The following ARMH3 variants were observed in gnomAD, a reference collection of about 807,000 sequenced individuals.
ARMH3 encodes the protein armadillo-like helical domain-containing protein 3.
Under a neutral mutation model 99.1 loss-of-function variants are expected in ARMH3, and 60 were observed. That is an observed-to-expected ratio of 0.61 (90% CI 0.49 to 0.75). ARMH3 has a LOEUF of 0.75. ARMH3 is among the 30% of genes least tolerant of loss of function. ARMH3 has a pLI of 0.00. For missense variants in ARMH3, 679 were observed against 843.1 expected (o/e 0.81, Z 2.41); for synonymous variants, 285 against 292.8 (o/e 0.97, Z 0.27).
At chr10:102,048,124 G>T (rs2067602926) in intron 1 of ARMH3, among the ~76,000 whole-genome samples, 1 of 152,224 alleles carries the variant, frequency 6.6e-6, no homozygotes, top group South Asian at 2.1e-4. Flanking sequence ...TATCTAGACA[G>T]ATGATACTGA....
chr10:101,933,536 T>C (rs1408208682), intron 23 of ARMH3, among the ~76,000 whole-genome samples: 1 of 152,242 alleles, frequency 6.6e-6, no homozygotes, highest in East Asian at 1.9e-4. Flanking sequence ...TTTTTAATTC[T>C]AGCTGTAGTC....
intron 24 of ARMH3, among the ~76,000 whole-genome samples, chr10:101,884,541 T>C (rs1458165041): frequency 6.6e-6 from 1 of 152,178 alleles, no homozygotes; most frequent in East Asian, 1.9e-4. Context: ...TTGTATCTTC[T>C]CCGTAATCTT....
intron 1 of ARMH3, among the ~76,000 whole-genome samples, chr10:102,041,453 G>A (rs886619188): frequency 6.6e-6 from 1 of 152,064 alleles, no homozygotes; most frequent in Non-Finnish European, 1.5e-5. Flanking sequence ...ATTTTGATCA[G>A]TGACTTTTGG....
chr10:101,905,344 G>A lies in ARMH3; in HGVS notation c.1782-15854C>T, dbSNP rs535204216. On this transcript the variant is annotated intron_variant, in intron 23 of 25. Coordinates refer to ENST00000370033, the MANE Select transcript of ARMH3 (RefSeq NM_024541.3). ...TGGATTGTGCTGGGGCAGGAATTAC[G>A]GAAGTAAAAAAGTCATGGTCTCTGT... 1.4e-4 allele frequency among the ~76,000 whole-genome samples: 21 copies of A among 152,296 alleles called. No individual in the cohort carries two copies. In the South Asian group the frequency reaches 2.3e-3, roughly 17 times the overall value.
intron 20 of ARMH3, among the ~76,000 whole-genome samples, chr10:101,964,374 C>T (rs1728375838): frequency 6.6e-6 from 1 of 152,128 alleles, no homozygotes; most frequent in South Asian, 2.1e-4. Context: ...TAATTAAACG[C>T]ACACAATCTC....
intron 5 of ARMH3, 148 bp from the exon 6 acceptor site, chr10:102,025,396 T>G (rs1564860752): frequency 3.4e-6 from 2 of 591,776 alleles, no homozygotes; most frequent in Non-Finnish European, 5.7e-6. Flanking sequence ...CAAGATTAAA[T>G]AAAGAAAAGG....
At position 101,903,759 on chromosome 10, in the gene ARMH3, T is replaced by C. The variant is rs546761697; in HGVS notation, c.1782-14269A>G. 3.0e-4 allele frequency among the ~76,000 whole-genome samples: 46 copies of C among 152,338 alleles called. 2 individuals carry two copies. In the South Asian group the frequency reaches 9.3e-3, roughly 31 times the overall value. ...CTAAAGATAAAAGTTATAGCTTCCTTTCCCAGTGTCTCATTTTAAATATTT... is the reference window on the plus strand; with the variant it reads ...CTAAAGATAAAAGTTATAGCTTCCTCTCCCAGTGTCTCATTTTAAATATTT... On this transcript the variant is annotated intron_variant, in intron 23 of 25. Coordinates refer to ENST00000370033, the MANE Select transcript of ARMH3 (RefSeq NM_024541.3).
At chr10:101,987,020 G>A (rs959995323) in intron 19 of ARMH3, among the ~76,000 whole-genome samples, 1 of 152,190 alleles carries the variant, frequency 6.6e-6, no homozygotes, top group Non-Finnish European at 1.5e-5. Flanking sequence ...GGCGAGGAGG[G>A]AGTTAGAACA....
At chr10:101,990,453 G>T in intron 19 of ARMH3, 98 bp downstream of exon 19, 1 of 918,778 alleles carries the variant, frequency 1.1e-6, no homozygotes, top group Non-Finnish European at 1.7e-6. Context: ...TTACAGGCGT[G>T]AGCCATGGCG....
At chr10:101,933,310 G>A (rs1394340698) in intron 23 of ARMH3, among the ~76,000 whole-genome samples, 2 of 152,140 alleles carry the variant, frequency 1.3e-5, no homozygotes, top group African/African-American at 2.4e-5. Context: ...TTAGGAGGGG[G>A]TTTAGATGCT....
chr10:101,922,294 G>A (rs1199086005), intron 23 of ARMH3, among the ~76,000 whole-genome samples: 2 of 152,186 alleles, frequency 1.3e-5, no homozygotes, highest in African/African-American at 2.4e-5. Context: ...CCAGGCTGGA[G>A]TGCAGTGGCA....
intron 23 of ARMH3, among the ~76,000 whole-genome samples, chr10:101,931,641 G>A (rs2135671146): frequency 6.6e-6 from 1 of 151,858 alleles, no homozygotes; most frequent in South Asian, 2.1e-4. Context: ...AAGGAAGCTG[G>A]GTGTAGTGGT....
chr10:101,872,615 T>C (rs546804598), intron 24 of ARMH3, among the ~76,000 whole-genome samples: 23 of 152,140 alleles, frequency 1.5e-4, no homozygotes, highest in Non-Finnish European at 3.4e-4. Flanking sequence ...GGAGAATCAC[T>C]TGAACTTGCT....
chr10:102,001,021 T>C (rs1018817002), intron 15 of ARMH3, among the ~76,000 whole-genome samples: 8 of 152,090 alleles, frequency 5.3e-5, no homozygotes, highest in African/African-American at 1.9e-4. Context: ...TTCACCATGT[T>C]GGCCAGGCTG....
chr10:101,966,240 G>A (rs1284329128), intron 20 of ARMH3, among the ~76,000 whole-genome samples: 3 of 149,020 alleles, frequency 2.0e-5, no homozygotes, highest in Admixed American at 6.7e-5. Flanking sequence ...TGAGTAGCTG[G>A]GATTACAGGC....
intron 2 of ARMH3, among the ~76,000 whole-genome samples, chr10:102,039,200 A>AGT (rs2067350572): frequency 1.3e-5 from 2 of 151,622 alleles, no homozygotes; most frequent in Admixed American, 1.3e-4. Flanking sequence ...GCTGGAGTGT[A>AGT]GTGGCACAAT....
At chr10:101,861,719 G>T (rs1294150211) in intron 24 of ARMH3, among the ~76,000 whole-genome samples, 2 of 111,186 alleles carry the variant, frequency 1.8e-5, no homozygotes, top group Non-Finnish European at 3.5e-5. Context: ...AACAGAGCGA[G>T]ACTCCGTCTC....
chr10:101,898,675 T>TACGCGCAC (rs1191708577), intron 23 of ARMH3, among the ~76,000 whole-genome samples: 2 of 152,240 alleles, frequency 1.3e-5, no homozygotes, highest in Non-Finnish European at 2.9e-5. Context: ...TTATACTCAA[T>TACGCGCAC]ACGCGCACAC....
intron 24 of ARMH3, among the ~76,000 whole-genome samples, chr10:101,883,495 C>G (rs1370727454): frequency 1.3e-5 from 2 of 152,026 alleles, no homozygotes; most frequent in African/African-American, 2.4e-5. Context: ...GCAGAAGAAC[C>G]TCCCTGGAGA....
Sources: allele counts gnomAD v4.1 joint callset (sites outside exome capture counted in the v4.1 genomes callset), GRCh38; gene constraint gnomAD v4.1.1; transcripts MANE v1.5; gene names NCBI Gene and HGNC (gene_info 2026-07-23, HGNC 2026-07-21).